The following PCGF5 variants were observed in gnomAD, a reference collection of about 807,000 sequenced individuals.
The protein encoded by PCGF5 is polycomb group RING finger protein 5.
PCGF5 carries 9 observed loss-of-function variants against 44.3 expected under a neutral mutation model. The ratio of observed to expected loss-of-function variants is 0.20; its 90% CI spans 0.12 to 0.35. PCGF5 has a LOEUF of 0.35. Among genes scored for constraint, PCGF5 ranks in the 10% least tolerant of loss-of-function variants. The pLI, the probability that PCGF5 is intolerant of heterozygous loss-of-function variation, is 1.00. For missense variants in PCGF5, 146 were observed against 305.3 expected (o/e 0.48, Z 3.89); for synonymous variants, 95 against 102.5 (o/e 0.93, Z 0.44).
At chr10:91,170,106 T>G (rs1405232265) in intron 1 of PCGF5, among the ~76,000 whole-genome samples, 4 of 152,192 alleles carry the variant, frequency 2.6e-5, no homozygotes, top group Non-Finnish European at 5.9e-5. Flanking sequence ...AGACACAGAC[T>G]TCACCCGTGT....
At chr10:91,190,913 TA>T (rs952804094) in intron 1 of PCGF5, among the ~76,000 whole-genome samples, 5 of 152,212 alleles carry the variant, frequency 3.3e-5, no homozygotes, top group African/African-American at 9.6e-5. Context: ...ATATCTTATT[TA>T]TTCTTCCCTT....
rs558736835 is a variant in PCGF5 at position 91,241,953 on chromosome 10, C to G, written c.209+1373C>G. ...CACATCAGACCTGCTAACTCAGAAA[C>G]TTTGGGATTGGAGATCACTTCGTTT... On this transcript the variant is annotated intron_variant, in intron 3 of 9. Transcript: ENST00000336126. Among the ~76,000 whole-genome samples, 40 of 152,194 alleles carry G rather than the reference C, an allele frequency of 2.6e-4. 2 individuals are homozygous for G. In the South Asian group the frequency reaches 8.1e-3, roughly 31 times the overall value.
At chr10:91,185,550 G>T (rs557250979) in intron 1 of PCGF5, among the ~76,000 whole-genome samples, 1 of 152,330 alleles carries the variant, frequency 6.6e-6, no homozygotes, top group Admixed American at 6.5e-5. Context: ...TTTCCTAGGG[G>T]TATGTATGGA....
At chr10:91,209,806 G>A (rs78572572) in intron 1 of PCGF5, among the ~76,000 whole-genome samples, 56 of 458 alleles carry the variant, frequency 0.12, 2 homozygotes, top group Middle Eastern at 0.5. Flanking sequence ...GAAAAACGAA[G>A]AAAGGAATTG....
intron 8 of PCGF5, among the ~76,000 whole-genome samples, chr10:91,265,309 G>A (rs1350296843): frequency 6.6e-6 from 1 of 152,100 alleles, no homozygotes; most frequent in African/African-American, 2.4e-5. Context: ...ACTCATATAT[G>A]ACACTAAGGA....
chr10:91,238,624 T>C (rs1254818997), intron 2 of PCGF5, among the ~76,000 whole-genome samples: 24 of 138,468 alleles, frequency 1.7e-4, no homozygotes, highest in African/African-American at 3.5e-4. Context: ...TTTTTTTTTT[T>C]TTTTTTTGCC....
At chr10:91,175,537 C>G (rs1010418334) in intron 1 of PCGF5, among the ~76,000 whole-genome samples, 2 of 152,122 alleles carry the variant, frequency 1.3e-5, no homozygotes. Context: ...TCCCTCTTCC[C>G]CCTACCCCTG....
intron 2 of PCGF5, among the ~76,000 whole-genome samples, chr10:91,239,123 T>TG (rs550813952): frequency 7.7e-4 from 117 of 152,164 alleles, no homozygotes; most frequent in African/African-American, 2.6e-3. Flanking sequence ...ATCTTATTTT[T>TG]GGGGGGCGGA....
chr10:91,270,125 T>A (rs1846143938), intron 8 of PCGF5, among the ~76,000 whole-genome samples: 1 of 152,218 alleles, frequency 6.6e-6, no homozygotes, highest in South Asian at 2.1e-4. Flanking sequence ...GAGAGCTTAT[T>A]GTCAATATCT....
chr10:91,194,999 G>A (rs1187488931), intron 1 of PCGF5, among the ~76,000 whole-genome samples: 2 of 152,104 alleles, frequency 1.3e-5, no homozygotes, highest in Non-Finnish European at 2.9e-5. Flanking sequence ...TATAGGGGGA[G>A]TAGATGTGGT....
intron 1 of PCGF5, among the ~76,000 whole-genome samples, chr10:91,188,629 C>T (rs1011290572): frequency 2.6e-5 from 4 of 152,164 alleles, no homozygotes; most frequent in African/African-American, 4.8e-5. Flanking sequence ...TCATGGCCAC[C>T]GCCTTCATTT....
chr10:91,260,420 G>C (rs1302423471), intron 6 of PCGF5, among the ~76,000 whole-genome samples: 1 of 152,182 alleles, frequency 6.6e-6, no homozygotes, highest in Admixed American at 6.5e-5. Flanking sequence ...CAGGGATCTA[G>C]AACTAGAAAT....
intron 9 of PCGF5, among the ~76,000 whole-genome samples, chr10:91,275,214 G>A (rs978696507): frequency 6.6e-6 from 1 of 151,742 alleles, no homozygotes; most frequent in Non-Finnish European, 1.5e-5. Flanking sequence ...ATAAAAATGA[G>A]CAAAGGACAT....
chr10:91,237,040 C>G (rs35818406), intron 2 of PCGF5, among the ~76,000 whole-genome samples: 19,566 of 152,160 alleles, frequency 0.13, 2,352 homozygotes, highest in African/African-American at 0.31. Flanking sequence ...CATTGGTTAA[C>G]AAAATGGATT....
At chr10:91,250,804 GT>G (rs1004631859) in intron 5 of PCGF5, among the ~76,000 whole-genome samples, 1 of 150,574 alleles carries the variant, frequency 6.6e-6, no homozygotes. Flanking sequence ...CATTATACTC[GT>G]TTTTTTTCAC....
At chr10:91,246,957 GGATAGATGGATAGATAGATA>G (rs1282514573) in intron 3 of PCGF5, among the ~76,000 whole-genome samples, 19 of 102,148 alleles carry the variant, frequency 1.9e-4, no homozygotes, top group East Asian at 1.4e-3. Flanking sequence ...ATAGATAGAT[GGATAGATGGATAGATAGATA>G]GATAGATAGA....
upstream of PCGF5, among the ~76,000 whole-genome samples, chr10:91,216,314 T>A (rs1482308578): frequency 6.6e-6 from 1 of 152,130 alleles, no homozygotes; most frequent in Non-Finnish European, 1.5e-5. Context: ...TTGGTCAGAC[T>A]TAGCAGAGGT....
chr10:91,240,993 AT>A (rs1253124899), intron 3 of PCGF5, among the ~76,000 whole-genome samples: 4 of 150,210 alleles, frequency 2.7e-5, no homozygotes, highest in African/African-American at 9.7e-5. Flanking sequence ...AACCTAAAAG[AT>A]TTTTTTAAGA....
At chr10:91,196,615 C>G (rs1371210110) in intron 1 of PCGF5, among the ~76,000 whole-genome samples, 1 of 152,114 alleles carries the variant, frequency 6.6e-6, no homozygotes, top group African/African-American at 2.4e-5. Flanking sequence ...CCACCTCTGA[C>G]CCACACTTGC....
Sources: allele counts gnomAD v4.1 joint callset (sites outside exome capture counted in the v4.1 genomes callset), GRCh38; gene constraint gnomAD v4.1.1; transcripts MANE v1.5; gene names NCBI Gene and HGNC (gene_info 2026-07-23, HGNC 2026-07-21).